The following C14orf39 variants were observed in gnomAD, a reference collection of about 807,000 sequenced individuals.
The protein encoded by C14orf39 is chromosome 14 open reading frame 39, also known as protein SIX6OS1.
In C14orf39, 66 loss-of-function variants were observed where a neutral mutation model predicts 85.6. The observed-to-expected ratio is 0.77, with a 90% confidence interval of 0.63 to 0.95. The LOEUF is 0.95. Ranked by LOEUF, C14orf39 falls within the 40% of genes least tolerant of loss-of-function variation. C14orf39 has a pLI of 0.00. For missense variants in C14orf39, 735 were observed against 663.9 expected (o/e 1.11, Z -1.18); for synonymous variants, 242 against 214.0 (o/e 1.13, Z -1.14).
At chr14:60,461,644 T>C in intron 11 of C14orf39, 51 bp from the exon 12 acceptor site, 1 of 1,268,948 alleles carries the variant, frequency 7.9e-7, no homozygotes, top group East Asian at 2.4e-5. Context: ...GCAATAAAAA[T>C]TTTTTGCTTG....
chr14:60,462,897 T>G (rs1351970294), intron 11 of C14orf39, among the ~76,000 whole-genome samples: 1 of 152,116 alleles, frequency 6.6e-6, no homozygotes, highest in Non-Finnish European at 1.5e-5. Context: ...GCCAAAAGAT[T>G]GGACACACCT....
At position 60,485,042 on chromosome 14, in the gene C14orf39, A is replaced by G; in HGVS notation, c.37T>C (p.Leu13=). The G allele has an allele frequency of 6.2e-7, 1 of 1,609,612 alleles. No homozygotes were observed. Among genetic ancestry groups the G allele is most frequent in the Non-Finnish European group, 8.5e-7 (1 of 1,179,184 alleles). ...ACTTTATACCTACCAAATTCTAGCAAAAGTCTGTCCAAACTGACAAACAGG... is the reference window on the plus strand; with the variant it reads ...ACTTTATACCTACCAAATTCTAGCAGAAGTCTGTCCAAACTGACAAACAGG... ...DSLFVSLDRL[L]LEFVFQYEQD... Residue 13 remains leucine (L), a synonymous_variant, in exon 2 of 18, where the codon TTG becomes CTG. Transcript: ENST00000321731.
At chr14:60,449,695 T>C (rs531479829) in intron 16 of C14orf39, among the ~76,000 whole-genome samples, 35 of 152,360 alleles carry the variant, frequency 2.3e-4, no homozygotes, top group African/African-American at 8.4e-4. Context: ...ATTGTTTGTT[T>C]TTCCATTTCA....
intron 1 of C14orf39, chr14:60,509,952 C>T (rs1326036486): frequency 2.5e-6 from 4 of 1,605,596 alleles, no homozygotes; most frequent in Non-Finnish European, 2.6e-6. Flanking sequence ...AGGGACCGAG[C>T]GGCTGCAGCC....
chr14:60,454,932 A>C (rs1486892339), intron 16 of C14orf39, 69 bp downstream of exon 16: 2 of 1,257,144 alleles, frequency 1.6e-6, no homozygotes, highest in East Asian at 5.5e-5. Context: ...TTTTGTATTA[A>C]AGAACTAAAA....
At chr14:60,496,089 G>A (rs1360518636) in intron 2 of C14orf39, 2 of 751,332 alleles carry the variant, frequency 2.7e-6, no homozygotes, top group Non-Finnish European at 2.1e-6. Flanking sequence ...TTGGCTTCCA[G>A]TGTTCTGACT....
upstream of C14orf39, among the ~76,000 whole-genome samples, chr14:60,489,618 A>G (rs116987148): frequency 3.1e-3 from 474 of 152,224 alleles, 2 homozygotes; most frequent in Middle Eastern, 6.8e-3. Flanking sequence ...CCTAAAGCCA[A>G]TTCCTCCACC....
At chr14:60,452,153 A>C (rs1329804957) in intron 16 of C14orf39, among the ~76,000 whole-genome samples, 1 of 150,628 alleles carries the variant, frequency 6.6e-6, no homozygotes, top group African/African-American at 2.4e-5. Context: ...TGCCAACTGC[A>C]AAGACTCCAT....
chr14:60,441,691 TAATC>T (rs994162186), intron 17 of C14orf39, among the ~76,000 whole-genome samples: 7 of 152,138 alleles, frequency 4.6e-5, no homozygotes, highest in East Asian at 1.9e-4. Context: ...TTGAATGAAT[TAATC>T]AATCAAAGGA....
chr14:60,437,712 T>C (rs1368118958), intron 17 of C14orf39, among the ~76,000 whole-genome samples: 8 of 151,974 alleles, frequency 5.3e-5, no homozygotes, highest in Non-Finnish European at 1.0e-4. Flanking sequence ...GTGATGGTAA[T>C]GGAGGAAAAA....
chr14:60,511,033 A>T, intron 1 of C14orf39: 1 of 1,586,010 alleles, frequency 6.3e-7, no homozygotes, highest in Admixed American at 1.7e-5. Context: ...GGGGCGGGCG[A>T]CGGGCGGCTG....
At chr14:60,448,839 A>G (rs919321048) in intron 16 of C14orf39, among the ~76,000 whole-genome samples, 1 of 152,246 alleles carries the variant, frequency 6.6e-6, no homozygotes, top group Non-Finnish European at 1.5e-5. Flanking sequence ...CATATACACC[A>G]TGGAATACTA....
At chr14:60,451,786 C>T (rs923858811) in intron 16 of C14orf39, among the ~76,000 whole-genome samples, 10 of 150,702 alleles carry the variant, frequency 6.6e-5, no homozygotes, top group South Asian at 4.2e-4. Flanking sequence ...TGTATACATA[C>T]GTAACAAACC....
At chr14:60,441,360 T>C (rs1487651769) in intron 17 of C14orf39, among the ~76,000 whole-genome samples, 1 of 152,142 alleles carries the variant, frequency 6.6e-6, no homozygotes, top group Non-Finnish European at 1.5e-5. Context: ...CAAAAGAAGG[T>C]GTATTACTTG....
Position 60,469,625 on chromosome 14 carries a change from T to C in C14orf39, c.583A>G (p.Ile195Val), listed in dbSNP as rs1891972326. ...IVNLRCETQDILKHASNLTKS... is the reference protein window; with the variant it reads ...IVNLRCETQDVLKHASNLTKS... The stretch of plus-strand genomic sequence containing the variant: ...GTAAGATTGCTGGCATGTTTAAGAA[T>C]ATCTTGTGTTTCACATCTCAAATTA... Residue 195 changes from isoleucine to valine, a missense_variant, in exon 8 of 18, where the codon ATT becomes GTT. Transcript: ENST00000321731. 1.4e-6 allele frequency: 2 copies of C among 1,472,082 alleles called. No individual in the cohort carries two copies. Among genetic ancestry groups the C allele is most frequent in the Admixed American group, 2.0e-5 (1 of 50,286 alleles). The allele number at this position is 1,472,082 out of a possible 1,614,324, so 91.2% of individuals were successfully genotyped here. A position where few individuals can be genotyped will look rare whatever the true frequency, so the allele number is the denominator to read the frequency against.
rs1023590823 is a variant in C14orf39, at chr14:60,436,651, T to C, written c.*194A>G. 7.7e-6 allele frequency: 3 copies of C among 390,542 alleles called. No individual in the cohort carries two copies. Among genetic ancestry groups the C allele is most frequent in the African/African-American group, 6.3e-5 (3 of 47,876 alleles). 24.2% of individuals were successfully genotyped at this position (390,542 alleles called of 1,614,324 possible). On this transcript the variant is annotated 3_prime_UTR_variant, in exon 18 of 18. Transcript: ENST00000321731. ...CTCGCAAAATCAAAACCAAAATAAA[T>C]AATGATTAGTTAATAGCACACACAA...
At chr14:60,455,422 C>T (rs1354819797) in intron 15 of C14orf39, among the ~76,000 whole-genome samples, 1 of 151,956 alleles carries the variant, frequency 6.6e-6, no homozygotes, top group African/African-American at 2.4e-5. Context: ...AATTTTGAAG[C>T]ATAGAAAGGT....
chr14:60,461,645 T>G, intron 11 of C14orf39, 52 bp from the exon 12 acceptor site: 4 of 1,244,384 alleles, frequency 3.2e-6, no homozygotes, highest in South Asian at 1.7e-5. Context: ...CAATAAAAAT[T>G]TTTTGCTTGT....
At chr14:60,511,745 T>TGGG (rs1893297659) in intron 1 of C14orf39, 1 of 222,812 alleles carries the variant, frequency 4.5e-6, no homozygotes, top group South Asian at 6.9e-5. Flanking sequence ...AGGCTGGTGG[T>TGGG]GATGGGTTCT....
Sources: allele counts gnomAD v4.1 joint callset (sites outside exome capture counted in the v4.1 genomes callset), GRCh38; gene constraint gnomAD v4.1.1; transcripts MANE v1.5; gene names NCBI Gene and HGNC (gene_info 2026-07-23, HGNC 2026-07-21).